The following TNS3 variants were observed in gnomAD, a reference collection of about 807,000 sequenced individuals.
The protein encoded by TNS3 is tensin-3.
Under a neutral mutation model 140.9 loss-of-function variants are expected in TNS3, and 45 were observed. The observed-to-expected ratio is 0.32, with a 90% CI of 0.25 to 0.41. The LOEUF is 0.41. Ranked by LOEUF, TNS3 falls within the 10% of genes least tolerant of loss-of-function variation. The pLI is 1.00. For missense variants in TNS3, 1,716 were observed against 1,906.7 expected, an observed-to-expected ratio of 0.90 and a Z score of 1.86; for synonymous variants, 815 against 788.4, an observed-to-expected ratio of 1.03 and a Z score of -0.56.
At chr7:47,555,379 G>A (rs1800168551) in intron 1 of TNS3, among the ~76,000 whole-genome samples, 1 of 150,372 alleles carries the variant, frequency 6.7e-6, no homozygotes, top group African/African-American at 2.5e-5. Flanking sequence ...CCAGCCTGAG[G>A]GACAAGAGCA....
chr7:47,325,663 G>A (rs1049670572), intron 20 of TNS3, among the ~76,000 whole-genome samples: 10 of 152,138 alleles, frequency 6.6e-5, no homozygotes, highest in Admixed American at 6.5e-5. Context: ...CCTGATAGGA[G>A]GGAGAGGCCA....
intron 9 of TNS3, 59 bp from the exon 10 acceptor site, chr7:47,424,243 C>G: frequency 6.4e-7 from 1 of 1,571,032 alleles, no homozygotes; most frequent in Non-Finnish European, 8.7e-7. Context: ...CACGTGGGTA[C>G]TTGACGGGGG....
intron 1 of TNS3, among the ~76,000 whole-genome samples, chr7:47,551,309 G>A (rs546806819): frequency 2.6e-5 from 4 of 152,336 alleles, no homozygotes; most frequent in South Asian, 2.1e-4. Context: ...CCCTGGGCAC[G>A]TCCTGAAGGT....
chr7:47,299,261 C>T (rs1295802683), intron 23 of TNS3, among the ~76,000 whole-genome samples: 1 of 152,186 alleles, frequency 6.6e-6, no homozygotes, highest in Non-Finnish European at 1.5e-5. Context: ...CCTCAGCTTC[C>T]TGAGTAGCTG....
chr7:47,312,323 C>A (rs1376795576), intron 20 of TNS3, among the ~76,000 whole-genome samples: 2 of 152,206 alleles, frequency 1.3e-5, no homozygotes, highest in Middle Eastern at 3.2e-3. Context: ...GAGTTTAAAA[C>A]CATCCCTCTG....
At chr7:47,354,652 A>C (rs1789884438) in intron 17 of TNS3, among the ~76,000 whole-genome samples, 1 of 151,426 alleles carries the variant, frequency 6.6e-6, no homozygotes, top group Non-Finnish European at 1.5e-5. Flanking sequence ...AAAGGTCATG[A>C]GTACTCAGTG....
intron 12 of TNS3, among the ~76,000 whole-genome samples, chr7:47,412,032 A>C (rs1793802235): frequency 6.6e-6 from 1 of 152,144 alleles, no homozygotes; most frequent in Non-Finnish European, 1.5e-5. Flanking sequence ...ACTTGAAGTG[A>C]CTAAGGTCCA....
Position 47,316,094 on chromosome 7 carries a change from T to TTCTCTCTC in TNS3, c.2651-11099_2651-11092dup, listed in dbSNP as rs56939479. Among the ~76,000 whole-genome samples the TTCTCTCTC allele has an allele frequency of 1.7e-3, 185 of 105,850 alleles. 9 individuals carry two copies. Among genetic ancestry groups the TTCTCTCTC allele is most frequent in the Non-Finnish European group, 2.2e-3 (114 of 50,696 alleles). The allele number at this position is 105,850 out of a possible 152,430, so 69.4% of individuals were successfully genotyped here. ...TGAGACTATCCACCTAACTAACTATTTCTCTCTCTCTCTCTCTCTCTCTCT... is the reference window on the plus strand; with the variant it reads ...TGAGACTATCCACCTAACTAACTATTTCTCTCTCTCTCTCTCTCTCTCTCTCTCTCTCT... On this transcript the variant is annotated intron_variant, in intron 20 of 30. Transcript: ENST00000311160.
In TNS3 at chr7:47,283,828, C is replaced by T; in HGVS notation, c.3966G>A (p.Glu1322=). ...NVWYLNSVEM[E]SLTGHQAIQK... ...GGATCGCCTGGTGGCCGGTGAGGGA[C>T]TCCATCTCCACAGAGTTCAAGTACC... The change falls in exon 28 of 31, where the codon GAG becomes GAA. Residue 1322 remains glutamate, a synonymous_variant. Transcript: ENST00000311160. 6.2e-7 allele frequency: 1 copy of T among 1,609,732 alleles called. No individual in the cohort carries two copies. The highest frequency in any genetic ancestry group is 8.5e-7 in the Non-Finnish European group (1 of 1,178,084).
chr7:47,433,223 A>AG (rs2151522836), intron 8 of TNS3, among the ~76,000 whole-genome samples: 1 of 152,376 alleles, frequency 6.6e-6, no homozygotes, highest in East Asian at 1.9e-4. Context: ...TCTGCAAAGC[A>AG]GGCGGATTTC....
intron 4 of TNS3, among the ~76,000 whole-genome samples, chr7:47,460,035 A>T (rs1386601047): frequency 6.6e-6 from 1 of 151,980 alleles, no homozygotes; most frequent in African/African-American, 2.4e-5. Context: ...AACACGGTGA[A>T]ACCTCGTCTC....
intron 16 of TNS3, among the ~76,000 whole-genome samples, chr7:47,384,267 A>C (rs923590326): frequency 3.9e-5 from 6 of 152,252 alleles, no homozygotes; most frequent in Non-Finnish European, 8.8e-5. Context: ...CTGGAGGGGC[A>C]GCTGTGTGCC....
intron 4 of TNS3, among the ~76,000 whole-genome samples, chr7:47,461,717 T>C (rs750326269): frequency 6.6e-6 from 1 of 152,260 alleles, no homozygotes; most frequent in Non-Finnish European, 1.5e-5. Flanking sequence ...GTACCAGTTA[T>C]TGTAATTGCA....
intron 17 of TNS3, among the ~76,000 whole-genome samples, chr7:47,367,991 GAAGT>G (rs142073779): frequency 0.017 from 2,541 of 152,324 alleles, 65 homozygotes; most frequent in African/African-American, 0.058. Flanking sequence ...CGCAGGGACA[GAAGT>G]AAGTATGCTT....
chr7:47,396,851 C>T lies in TNS3; in HGVS notation c.973G>A (p.Asp325Asn). ...TACGAGTCCCAGCGTATCAGTGGGT[C>T]TGTTGTGTTGTAGTCCACAATCACA... ...HGVIVDYNTT[D>N]PLIRWDSYEN... Residue 325 changes from aspartate (D) to asparagine (N), a missense_variant, in exon 16 of 31, where the codon GAC becomes AAC. Around this residue, in one of 3 missense-constraint regions of TNS3, gnomAD observed 1,163 missense variants for 1,182.1 expected, o/e 0.98. Coordinates refer to ENST00000311160, the MANE Select transcript of TNS3 (RefSeq NM_022748.12). 1.2e-6 allele frequency: 2 copies of T among 1,614,212 alleles called. No individual in the cohort carries two copies.
At chr7:47,428,677 A>G (rs1328249615) in intron 8 of TNS3, among the ~76,000 whole-genome samples, 1 of 152,196 alleles carries the variant, frequency 6.6e-6, no homozygotes, top group Non-Finnish European at 1.5e-5. Context: ...ATTAGGCTGG[A>G]AAAAACTGTG....
intron 20 of TNS3, among the ~76,000 whole-genome samples, chr7:47,308,726 T>G (rs1298908486): frequency 6.6e-6 from 1 of 152,214 alleles, no homozygotes; most frequent in Non-Finnish European, 1.5e-5. Flanking sequence ...AAAACCCTTC[T>G]GTATATCACT....
At chr7:47,553,822 C>T (rs1343023028) in intron 1 of TNS3, among the ~76,000 whole-genome samples, 3 of 151,550 alleles carry the variant, frequency 2.0e-5, no homozygotes, top group African/African-American at 4.8e-5. Context: ...AAGTCTGGCT[C>T]TTTTTGCCCA....
At chr7:47,331,168 G>T (rs1056777952) in intron 20 of TNS3, among the ~76,000 whole-genome samples, 1 of 152,156 alleles carries the variant, frequency 6.6e-6, no homozygotes, top group African/African-American at 2.4e-5. Flanking sequence ...GTTCTCGAAG[G>T]CCTGGGAAGG....
Sources: gnomAD v4.1 joint callset for allele counts (sites outside exome capture counted in the v4.1 genomes callset) on GRCh38, gnomAD v4.1.1 for gene constraint, gnomAD v4.1.1 regional missense constraint, MANE v1.5 for transcripts, NCBI Gene and HGNC (gene_info 2026-07-23, HGNC 2026-07-21) for gene names.